The following GHR variants were observed in gnomAD, a reference collection of about 807,000 sequenced individuals.
The protein encoded by GHR is growth hormone receptor, also known as GH receptor.
GHR carries 35 observed loss-of-function variants against 67.1 expected under a neutral mutation model. The observed-to-expected ratio is 0.52, with a 90% CI of 0.40 to 0.69. The LOEUF (loss-of-function observed/expected upper bound fraction) is 0.69, where lower values mean the gene tolerates loss of function less well. Ranked by LOEUF, GHR falls within the 30% of genes least tolerant of loss-of-function variation. The probability of loss-of-function intolerance (pLI) is 0.00; values close to 1 mark genes in which losing one functional copy is unlikely to be tolerated. For synonymous variants in GHR, 272 were observed against 269.1 expected (o/e 1.01, Z -0.10); for missense variants, 792 against 764.6 (o/e 1.04, Z -0.42).
intron 2 of GHR, among the ~76,000 whole-genome samples, chr5:42,626,563 C>T (rs1466389293): frequency 6.6e-6 from 1 of 152,092 alleles, no homozygotes; most frequent in South Asian, 2.1e-4. Context: ...AACCTTGAGT[C>T]CCTCTCCCCT....
intron 2 of GHR, among the ~76,000 whole-genome samples, chr5:42,600,695 A>G (rs1184876680): frequency 6.6e-6 from 1 of 152,174 alleles, no homozygotes; most frequent in African/African-American, 2.4e-5. Context: ...CCCCTAGGGT[A>G]TGACACCTGG....
At chr5:42,673,884 G>A (rs1412394374) in intron 3 of GHR, among the ~76,000 whole-genome samples, 2 of 151,988 alleles carry the variant, frequency 1.3e-5, no homozygotes, top group African/African-American at 4.8e-5. Flanking sequence ...GATATACCCA[G>A]GTAACAAACC....
chr5:42,609,149 C>T (rs1292302860), intron 2 of GHR, among the ~76,000 whole-genome samples: 1 of 152,102 alleles, frequency 6.6e-6, no homozygotes, highest in Non-Finnish European at 1.5e-5. Flanking sequence ...GAAAAGGGTA[C>T]TAGCTCCCAG....
Position 42,718,723 on chromosome 5 carries a change from G to C in GHR, c.1216G>C (p.Glu406Gln), listed in dbSNP as rs1383167053. The C allele has an allele frequency of 1.2e-6, 2 of 1,614,162 alleles. No homozygotes were observed. Among genetic ancestry groups the C allele is most frequent in the Non-Finnish European group, 8.5e-7 (1 of 1,180,018 alleles). Residue 406 changes from glutamate (E) to glutamine (Q), a missense_variant, in exon 10 of 10, where the codon GAG becomes CAG. By Grantham distance (29) the Glu-to-Gln change is conservative. Coordinates refer to ENST00000230882, the MANE Select transcript of GHR (RefSeq NM_000163.5). Reference protein sequence around the residue: ...ETDFNANDIHEGTSEVAQPQR... With the variant: ...ETDFNANDIHQGTSEVAQPQR... ...TGATTTCAATGCCAATGACATACAT[G>C]AGGGTACCTCAGAGGTTGCTCAGCC...
intron 1 of GHR, among the ~76,000 whole-genome samples, chr5:42,459,789 T>TA (rs1476671707): frequency 6.6e-6 from 1 of 152,202 alleles, no homozygotes; most frequent in African/African-American, 2.4e-5. Flanking sequence ...CCTAATCCGC[T>TA]AGTGATGATG....
intron 2 of GHR, chr5:42,619,776 G>A (rs1029692710): frequency 3.3e-5 from 5 of 152,156 alleles, no homozygotes; most frequent in African/African-American, 1.2e-4. Context: ...TATGAAAGAT[G>A]CCTTTGCCCA....
intron 2 of GHR, among the ~76,000 whole-genome samples, chr5:42,572,006 C>T (rs761057150): frequency 6.6e-6 from 1 of 152,218 alleles, no homozygotes; most frequent in African/African-American, 2.4e-5. Flanking sequence ...TACCTGAGAT[C>T]ATTCCCTACA....
intron 3 of GHR, among the ~76,000 whole-genome samples, chr5:42,636,789 A>G (rs528351477): frequency 2.8e-4 from 43 of 152,318 alleles, no homozygotes; most frequent in Admixed American, 9.1e-4. Flanking sequence ...GGCTTTGACA[A>G]AGCGTTCAAA....
chr5:42,601,018 C>T lies in GHR; in HGVS notation c.71-28020C>T, dbSNP rs137983878. On this transcript the variant is annotated intron_variant, in intron 2 of 9. Coordinates refer to ENST00000230882, the MANE Select transcript of GHR (RefSeq NM_000163.5). ...CTTGTCTCACTGCAACCTCCGCCTC[C>T]TGGGTTCAAGCAATTCTCCTGTCTC... 4.3e-3 allele frequency among the ~76,000 whole-genome samples: 632 copies of T among 147,658 alleles called. 2 individuals carry two copies. The highest frequency in any genetic ancestry group is 0.015 in the African/African-American group (610 of 39,526).
intron 2 of GHR, among the ~76,000 whole-genome samples, chr5:42,628,119 T>C (rs894414037): frequency 6.6e-6 from 1 of 152,178 alleles, no homozygotes; most frequent in Non-Finnish European, 1.5e-5. Context: ...CTCTGCCGCA[T>C]CATTTCACCA....
At chr5:42,439,385 C>T (rs923481097) in intron 1 of GHR, among the ~76,000 whole-genome samples, 1 of 152,172 alleles carries the variant, frequency 6.6e-6, no homozygotes, top group Non-Finnish European at 1.5e-5. Flanking sequence ...TTAACCTCTT[C>T]CCTAATGATT....
At chr5:42,591,178 G>A (rs1032115353) in intron 2 of GHR, among the ~76,000 whole-genome samples, 6 of 152,266 alleles carry the variant, frequency 3.9e-5, no homozygotes, top group Middle Eastern at 3.2e-3. Context: ...CGAGGAAACA[G>A]CTGTGACATT....
chr5:42,441,532 C>T (rs529551992), intron 1 of GHR, among the ~76,000 whole-genome samples: 13 of 150,270 alleles, frequency 8.7e-5, no homozygotes, highest in Non-Finnish European at 1.3e-4. Flanking sequence ...TTTTTTGAGA[C>T]GGAGTCTCGC....
intron 1 of GHR, among the ~76,000 whole-genome samples, chr5:42,515,823 C>G (rs1747212270): frequency 6.6e-6 from 1 of 152,148 alleles, no homozygotes; most frequent in Non-Finnish European, 1.5e-5. Flanking sequence ...TCCATTTCTT[C>G]AGTTTTATCG....
At chr5:42,605,792 C>T (rs746632130) in intron 2 of GHR, among the ~76,000 whole-genome samples, 4 of 152,212 alleles carry the variant, frequency 2.6e-5, no homozygotes, top group Non-Finnish European at 4.4e-5. Flanking sequence ...GAAGTGCCCT[C>T]ATGCCTGTTC....
intron 2 of GHR, among the ~76,000 whole-genome samples, chr5:42,603,171 A>G (rs1328375936): frequency 2.0e-5 from 3 of 151,964 alleles, no homozygotes; most frequent in Middle Eastern, 3.4e-3. Context: ...AGCACTTGGA[A>G]TATATCATTC....
chr5:42,626,318 T>G (rs1340360690), intron 2 of GHR, among the ~76,000 whole-genome samples: 1 of 152,206 alleles, frequency 6.6e-6, no homozygotes, highest in East Asian at 1.9e-4. Flanking sequence ...GCCAGTCAGC[T>G]GTAAATTGGT....
At chr5:42,464,187 C>T (rs575477149) in intron 1 of GHR, among the ~76,000 whole-genome samples, 2 of 151,920 alleles carry the variant, frequency 1.3e-5, no homozygotes, top group East Asian at 3.9e-4. Flanking sequence ...ACTCAGAGCT[C>T]CTCAGCTATC....
chr5:42,523,972 G>A (rs550055734), intron 1 of GHR, among the ~76,000 whole-genome samples: 1 of 152,272 alleles, frequency 6.6e-6, no homozygotes, highest in South Asian at 2.1e-4. Context: ...TGATTCTGAG[G>A]CCTCCCAAGG....
Sources: allele counts gnomAD v4.1 joint callset (sites outside exome capture counted in the v4.1 genomes callset), GRCh38; gene constraint gnomAD v4.1.1; transcripts MANE v1.5; gene names NCBI Gene and HGNC (gene_info 2026-07-23, HGNC 2026-07-21).